The following GPC5 variants were observed in gnomAD, a reference collection of about 807,000 sequenced individuals.
GPC5 encodes the protein glypican-5.
In GPC5, 47 loss-of-function variants were observed where a neutral mutation model predicts 53.9. The ratio of observed to expected loss-of-function variants is 0.87; its 90% CI spans 0.69 to 1.11. The LOEUF (loss-of-function observed/expected upper bound fraction) is 1.11, where lower values mean the gene tolerates loss of function less well. GPC5 is among the 50% of genes most tolerant of loss of function. The pLI is 0.00. For synonymous variants in GPC5, 286 were observed against 263.3 expected, an observed-to-expected ratio of 1.09 and a Z score of -0.84; for missense variants, 748 against 713.1, an observed-to-expected ratio of 1.05 and a Z score of -0.56.
At chr13:92,440,526 T>A (rs1877505859) in intron 7 of GPC5, among the ~76,000 whole-genome samples, 1 of 152,224 alleles carries the variant, frequency 6.6e-6, no homozygotes, top group South Asian at 2.1e-4. Flanking sequence ...GTAGATTCCC[T>A]GTCTTTGCTA....
intron 7 of GPC5, among the ~76,000 whole-genome samples, chr13:92,732,265 T>C (rs1888829292): frequency 6.6e-6 from 1 of 151,532 alleles, no homozygotes; most frequent in Admixed American, 6.6e-5. Flanking sequence ...TGCCATAACA[T>C]AGTGAATCCA....
At chr13:92,648,108 T>C (rs1252428402) in intron 7 of GPC5, among the ~76,000 whole-genome samples, 2 of 152,078 alleles carry the variant, frequency 1.3e-5, no homozygotes, top group African/African-American at 4.8e-5. Context: ...CTAAAATATA[T>C]ACATATGTGA....
intron 2 of GPC5, among the ~76,000 whole-genome samples, chr13:91,542,684 T>A (rs1435112927): frequency 2.6e-5 from 4 of 152,122 alleles, no homozygotes; most frequent in East Asian, 1.9e-4. Flanking sequence ...CAATTTTTTT[T>A]ATTTTTTTAT....
intron 6 of GPC5, among the ~76,000 whole-genome samples, 173 bp from the exon 7 acceptor site, chr13:92,144,657 G>A (rs926987219): frequency 2.6e-5 from 4 of 152,154 alleles, no homozygotes; most frequent in African/African-American, 9.7e-5. Context: ...GTAAGACTTT[G>A]CCCGCTATTT....
At chr13:91,980,958 T>C (rs1227172353) in intron 6 of GPC5, among the ~76,000 whole-genome samples, 2 of 152,272 alleles carry the variant, frequency 1.3e-5, no homozygotes, top group Admixed American at 1.3e-4. Context: ...CTGTTTAGTA[T>C]TTCATTGAAA....
chr13:91,839,473 A>G (rs900315478), intron 5 of GPC5, among the ~76,000 whole-genome samples: 1 of 152,138 alleles, frequency 6.6e-6, no homozygotes, highest in Admixed American at 6.6e-5. Context: ...TTTTATGTAC[A>G]TAACATTGAA....
intron 2 of GPC5, among the ~76,000 whole-genome samples, chr13:91,505,122 A>T (rs78389305): frequency 6.6e-6 from 1 of 152,028 alleles, no homozygotes; most frequent in African/African-American, 2.4e-5. Flanking sequence ...TAAGGCGCGT[A>T]TTTTTTTTCT....
rs149241249 is a variant in GPC5, at chr13:92,153,572, A to C, written c.1561+8583A>C. Among the ~76,000 whole-genome samples the C allele has an allele frequency of 1.0e-3, 156 of 152,342 alleles. 1 individual carries two copies. The highest frequency in any genetic ancestry group is 3.6e-3 in the African/African-American group (148 of 41,588). ...TACGATATGAACAATGTTGTTCTAA[A>C]CCATCTGGAAAGTATCTCTTGATAT... On this transcript the variant is annotated intron_variant, in intron 7 of 7. Coordinates refer to ENST00000377067, the MANE Select transcript of GPC5 (RefSeq NM_004466.6).
intron 7 of GPC5, among the ~76,000 whole-genome samples, chr13:92,711,263 T>G (rs931934934): frequency 6.6e-6 from 1 of 152,182 alleles, no homozygotes; most frequent in African/African-American, 2.4e-5. Flanking sequence ...AAATTTAGGT[T>G]AATATGGTTA....
intron 7 of GPC5, among the ~76,000 whole-genome samples, chr13:92,767,192 ATGGGTGCGG>A (rs748179399): frequency 6.0e-4 from 91 of 152,026 alleles, no homozygotes; most frequent in Non-Finnish European, 1.1e-3. Flanking sequence ...ATCTTCCAGG[ATGGGTGCGG>A]TGGCTCATGC....
chr13:91,756,346 TG>T lies in GPC5; in HGVS notation c.1207del (p.Asp403IlefsTer8). 1 of 1,595,782 alleles carries T rather than the reference TG, an allele frequency of 6.3e-7. No individual in the cohort carries two copies. The highest frequency in any genetic ancestry group is 1.1e-5 in the South Asian group (1 of 89,194). On this transcript the variant is annotated frameshift_variant, in exon 5 of 8. Transcript: ENST00000377067. LOFTEE classifies it high-confidence loss of function. The part of the protein sequence containing the change: ...LYRSFYGGLA[D>X]QLCANELAAA... ...ACAGGTCATTCTATGGAGGTCTAGC[TG>T]ATCAGCTTTGTGCTAATGAATTAGC... is the stretch of plus-strand genomic sequence containing the variant.
At chr13:92,786,583 C>T (rs536149791) in intron 7 of GPC5, among the ~76,000 whole-genome samples, 3 of 152,178 alleles carry the variant, frequency 2.0e-5, no homozygotes, top group East Asian at 1.9e-4. Context: ...GTACTAGAAA[C>T]TTTGGCAAAA....
At chr13:91,623,268 G>T (rs2033910696) in intron 2 of GPC5, among the ~76,000 whole-genome samples, 1 of 152,158 alleles carries the variant, frequency 6.6e-6, no homozygotes, top group Non-Finnish European at 1.5e-5. Flanking sequence ...TGCGAGTTGT[G>T]TAGTGAGTTC....
intron 2 of GPC5, among the ~76,000 whole-genome samples, chr13:91,558,893 A>G (rs986592544): frequency 3.9e-5 from 6 of 152,054 alleles, no homozygotes; most frequent in African/African-American, 1.4e-4. Flanking sequence ...CCTTAGCCCT[A>G]TATATTCCTC....
At chr13:91,929,822 T>TC (rs2039804826) in intron 6 of GPC5, among the ~76,000 whole-genome samples, 1 of 152,048 alleles carries the variant, frequency 6.6e-6, no homozygotes, top group African/African-American at 2.4e-5. Context: ...ATTTTTTTTT[T>TC]ATTTACGACT....
At chr13:91,651,118 A>G (rs556693962) in intron 2 of GPC5, among the ~76,000 whole-genome samples, 1 of 152,228 alleles carries the variant, frequency 6.6e-6, no homozygotes, top group East Asian at 1.9e-4. Context: ...GTTTCATCCA[A>G]CAGTTATGAA....
At chr13:91,548,797 A>G (rs939457519) in intron 2 of GPC5, among the ~76,000 whole-genome samples, 7 of 152,236 alleles carry the variant, frequency 4.6e-5, no homozygotes, top group Non-Finnish European at 1.0e-4. Flanking sequence ...ATAGACCCAC[A>G]TAAACATTGT....
At chr13:92,007,797 T>C (rs1296685239) in intron 6 of GPC5, among the ~76,000 whole-genome samples, 1 of 152,194 alleles carries the variant, frequency 6.6e-6, no homozygotes, top group Non-Finnish European at 1.5e-5. Context: ...ATTTTTACTC[T>C]TTGTTTATTA....
At position 91,774,425 on chromosome 13, in the gene GPC5, A is replaced by G. The variant is rs190098645; in HGVS notation, c.1280+18005A>G. ...GTGTGAGGCTCTGGGCTACCACATTAAAAATACATAGCAGTAATTTCTGCT... is the reference window on the plus strand; with the variant it reads ...GTGTGAGGCTCTGGGCTACCACATTGAAAATACATAGCAGTAATTTCTGCT... On this transcript the variant is annotated intron_variant, in intron 5 of 7. Transcript: ENST00000377067. 1.6e-3 allele frequency among the ~76,000 whole-genome samples: 238 copies of G among 152,298 alleles called. 3 individuals carry two copies. Among genetic ancestry groups the G allele is most frequent in the African/African-American group, 5.4e-3 (225 of 41,568 alleles).
Sources: gnomAD v4.1 joint callset for allele counts (sites outside exome capture counted in the v4.1 genomes callset) on GRCh38, gnomAD v4.1.1 for gene constraint, MANE v1.5 for transcripts, NCBI Gene and HGNC (gene_info 2026-07-23, HGNC 2026-07-21) for gene names.